The following ROBO2 variants were observed in gnomAD, a reference collection of about 807,000 sequenced individuals.
ROBO2 encodes the protein roundabout guidance receptor 2, also known as roundabout homolog 2.
A neutral mutation model predicts 160.8 loss-of-function variants in ROBO2; 53 were observed. The observed-to-expected ratio is 0.33, with a 90% CI of 0.26 to 0.41. ROBO2 has a LOEUF of 0.41. ROBO2 is among the 10% of genes least tolerant of loss of function. The pLI is 1.00. For synonymous variants in ROBO2, 664 were observed against 611.7 expected, an observed-to-expected ratio of 1.09 and a Z score of -1.26; for missense variants, 1,577 against 1,722.4, an observed-to-expected ratio of 0.92 and a Z score of 1.49.
intron 2 of ROBO2, among the ~76,000 whole-genome samples, chr3:76,831,175 A>G (rs1252431111): frequency 6.6e-6 from 1 of 152,146 alleles, no homozygotes; most frequent in Non-Finnish European, 1.5e-5. Context: ...ATAACGTTGT[A>G]CATCTAGAAG....
chr3:76,575,142 T>C (rs2085208095), intron 2 of ROBO2, among the ~76,000 whole-genome samples: 2 of 152,224 alleles, frequency 1.3e-5, no homozygotes, highest in South Asian at 4.1e-4. Flanking sequence ...TTACACAGGC[T>C]GGACTTGAAC....
rs188178219 is a variant in ROBO2, at chr3:77,386,676, C to T, written c.389-90738C>T. 4.3e-3 allele frequency among the ~76,000 whole-genome samples: 555 copies of T among 130,552 alleles called. 1 individual carries two copies. The highest frequency in any genetic ancestry group is 0.014 in the African/African-American group (514 of 35,870). The allele number at this position is 130,552 out of a possible 152,430, so 85.6% of individuals were successfully genotyped here. A position where few individuals can be genotyped will look rare whatever the true frequency, so the allele number is the denominator to read the frequency against. On this transcript the variant is annotated intron_variant, in intron 2 of 25. Transcript: ENST00000461745. ...GAAGTGCAATGGTGTGATCTTGTCT[C>T]ACTGCAACCTCTGCCTCCCAGGTTA...
chr3:76,328,969 T>C (rs886721696), intron 2 of ROBO2, among the ~76,000 whole-genome samples: 2 of 150,160 alleles, frequency 1.3e-5, no homozygotes, highest in Non-Finnish European at 3.0e-5. Context: ...TCATAAAGAA[T>C]GACAGCTAGT....
At chr3:76,328,640 C>T (rs566054719) in intron 2 of ROBO2, among the ~76,000 whole-genome samples, 13 of 151,170 alleles carry the variant, frequency 8.6e-5, no homozygotes, top group African/African-American at 2.9e-4. Flanking sequence ...GCGGGTGAGT[C>T]ACGAGGTCAG....
At chr3:77,211,938 C>G (rs1340658626) in intron 2 of ROBO2, among the ~76,000 whole-genome samples, 1 of 152,126 alleles carries the variant, frequency 6.6e-6, no homozygotes, top group East Asian at 1.9e-4. Flanking sequence ...GTCTATAACT[C>G]TGTTTTGGTA....
chr3:76,836,817 G>A (rs773786608), intron 2 of ROBO2, among the ~76,000 whole-genome samples: 1 of 151,400 alleles, frequency 6.6e-6, no homozygotes, highest in Non-Finnish European at 1.5e-5. Flanking sequence ...ATGTTCTATC[G>A]CAGTAAACAT....
intron 2 of ROBO2, among the ~76,000 whole-genome samples, chr3:76,601,348 C>T (rs1361090886): frequency 6.6e-6 from 1 of 152,174 alleles, no homozygotes; most frequent in Non-Finnish European, 1.5e-5. Context: ...GGGTCCAACC[C>T]CACGTTTCCC....
At chr3:77,115,830 C>T (rs530722473) in intron 2 of ROBO2, among the ~76,000 whole-genome samples, 15 of 152,270 alleles carry the variant, frequency 9.9e-5, no homozygotes, top group African/African-American at 3.4e-4. Context: ...TCCAACTAGT[C>T]TTTCTTTACC....
chr3:76,564,190 A>G (rs910127985), intron 2 of ROBO2, among the ~76,000 whole-genome samples: 38 of 152,270 alleles, frequency 2.5e-4, no homozygotes, highest in African/African-American at 9.2e-4. Context: ...GGGGCGACAC[A>G]GCAAGACTCC....
chr3:76,847,628 C>T (rs1334201093), intron 2 of ROBO2, among the ~76,000 whole-genome samples: 2 of 152,124 alleles, frequency 1.3e-5, no homozygotes, highest in Admixed American at 6.6e-5. Context: ...GCTATAGACA[C>T]CCTATCGCCT....
chr3:76,871,297 G>A (rs1172116581), intron 2 of ROBO2, among the ~76,000 whole-genome samples: 2 of 152,150 alleles, frequency 1.3e-5, no homozygotes, highest in Non-Finnish European at 2.9e-5. Flanking sequence ...GCTCACGCCT[G>A]TAATCCCAGC....
intron 2 of ROBO2, among the ~76,000 whole-genome samples, chr3:77,458,334 CT>C (rs2081899641): frequency 6.6e-6 from 1 of 152,138 alleles, no homozygotes; most frequent in Non-Finnish European, 1.5e-5. Flanking sequence ...AGTTAACTGT[CT>C]CCAAGATGGT....
At chr3:76,683,463 G>GGAAA (rs1553866604) in intron 2 of ROBO2, among the ~76,000 whole-genome samples, 1 of 117,690 alleles carries the variant, frequency 8.5e-6, no homozygotes, top group African/African-American at 3.0e-5. Context: ...AACCCCCACC[G>GGAAA]AAAAAAAAAA....
At chr3:77,102,304 G>A (rs758401414) in intron 2 of ROBO2, among the ~76,000 whole-genome samples, 28 of 152,096 alleles carry the variant, frequency 1.8e-4, no homozygotes, top group Non-Finnish European at 3.4e-4. Flanking sequence ...TGTGTGTTGC[G>A]TGGGTGGGTG....
chr3:77,296,155 C>CT (rs2062080930), intron 2 of ROBO2, among the ~76,000 whole-genome samples: 2 of 136,768 alleles, frequency 1.5e-5, no homozygotes, highest in African/African-American at 5.6e-5. Context: ...AAATTGACGG[C>CT]TAAACGAGTA....
intron 2 of ROBO2, among the ~76,000 whole-genome samples, chr3:76,874,209 A>AT (rs1429329143): frequency 7.1e-6 from 1 of 140,430 alleles, no homozygotes; most frequent in East Asian, 2.3e-4. Context: ...TTTCAGACCA[A>AT]TAAAAAAAAA....
At chr3:77,441,208 T>G (rs2153553807) in intron 2 of ROBO2, among the ~76,000 whole-genome samples, 1 of 152,092 alleles carries the variant, frequency 6.6e-6, no homozygotes, top group Middle Eastern at 3.4e-3. Context: ...TGCTTAGTTT[T>G]ATCATGGTGT....
At chr3:76,294,487 T>A (rs1186454406) in intron 2 of ROBO2, among the ~76,000 whole-genome samples, 1 of 152,092 alleles carries the variant, frequency 6.6e-6, no homozygotes, top group African/African-American at 2.4e-5. Context: ...CAAATATCCA[T>A]TGTCCACTTT....
At chr3:77,434,209 G>T (rs1302904359) in intron 2 of ROBO2, among the ~76,000 whole-genome samples, 1 of 151,856 alleles carries the variant, frequency 6.6e-6, no homozygotes, top group Non-Finnish European at 1.5e-5. Context: ...TGAATACATT[G>T]CTTCCTTATC....
Sources: allele counts gnomAD v4.1 joint callset (sites outside exome capture counted in the v4.1 genomes callset), GRCh38; gene constraint gnomAD v4.1.1; transcripts MANE v1.5; gene names NCBI Gene and HGNC (gene_info 2026-07-23, HGNC 2026-07-21).